Variants in SORBS2 observed in about 807,000 individuals in gnomAD.
The protein encoded by SORBS2 is sorbin and SH3 domain containing 2.
A neutral mutation model predicts 97.7 loss-of-function variants in SORBS2; 46 were observed. That is an observed-to-expected ratio of 0.47 (90% confidence interval 0.37 to 0.60). The LOEUF (loss-of-function observed/expected upper bound fraction) is 0.60, where lower values mean the gene tolerates loss of function less well. Ranked by LOEUF, SORBS2 falls within the 20% of genes least tolerant of loss-of-function variation. The pLI, the probability that SORBS2 is intolerant of heterozygous loss-of-function variation, is 0.00. For synonymous variants in SORBS2, 476 were observed against 473.4 expected, an observed-to-expected ratio of 1.01 and a Z score of -0.07; for missense variants, 1,316 against 1,282.3, an observed-to-expected ratio of 1.03 and a Z score of -0.40.
intron 1 of SORBS2, among the ~76,000 whole-genome samples, chr4:185,872,735 A>T (rs1451869462): frequency 1.3e-5 from 2 of 152,178 alleles, no homozygotes; most frequent in East Asian, 3.9e-4. Context: ...AGAAAGAGGG[A>T]GGGAGGATCT....
chr4:185,677,692 A>G, intron 4 of SORBS2: 1 of 1,394,288 alleles, frequency 7.2e-7, no homozygotes. Flanking sequence ...AAAAACAGAG[A>G]AAGTCCAAGT....
chr4:185,867,476 T>C (rs903754542), intron 1 of SORBS2, among the ~76,000 whole-genome samples: 1 of 152,220 alleles, frequency 6.6e-6, no homozygotes, highest in African/African-American at 2.4e-5. Flanking sequence ...CTTCCTGTCA[T>C]GTCTGCAAGA....
intron 2 of SORBS2, among the ~76,000 whole-genome samples, chr4:185,718,624 G>A (rs1489200778): frequency 6.6e-6 from 1 of 152,184 alleles, no homozygotes; most frequent in Non-Finnish European, 1.5e-5. Context: ...AGCATATCCT[G>A]TGCACAAGGA....
intron 4 of SORBS2, chr4:185,677,307 C>T (rs924538862): frequency 1.2e-5 from 19 of 1,552,086 alleles, no homozygotes; most frequent in East Asian, 1.2e-4. Context: ...AGAAATCCTC[C>T]GAGTTTGAGA....
chr4:185,706,606 G>C (rs948316557), intron 2 of SORBS2, among the ~76,000 whole-genome samples: 1 of 152,146 alleles, frequency 6.6e-6, no homozygotes, highest in South Asian at 2.1e-4. Context: ...GTAAGGACCT[G>C]TGTCTATCCA....
intron 1 of SORBS2, among the ~76,000 whole-genome samples, chr4:185,919,634 AGTCAAACCC>A (rs1371128473): frequency 2.6e-5 from 4 of 152,226 alleles, no homozygotes; most frequent in South Asian, 2.1e-4. Flanking sequence ...AAATGAGAAA[AGTCAAACCC>A]GCATCAGAAA....
chr4:185,635,319 G>A (rs2096977254), intron 4 of SORBS2, 36 bp downstream of exon 16: 2 of 1,444,358 alleles, frequency 1.4e-6, no homozygotes, highest in African/African-American at 1.4e-5. Context: ...GCCTCTAAGG[G>A]AGATATCTGA....
chr4:185,944,981 C>A (rs764703808), intron 1 of SORBS2, among the ~76,000 whole-genome samples: 4 of 152,154 alleles, frequency 2.6e-5, no homozygotes, highest in Non-Finnish European at 2.9e-5. Context: ...TAATATCAAG[C>A]CTTTAAAGGG....
chr4:185,907,880 C>T (rs1448011898), intron 1 of SORBS2, among the ~76,000 whole-genome samples: 1 of 152,096 alleles, frequency 6.6e-6, no homozygotes, highest in East Asian at 1.9e-4. Context: ...TATGCTTTGT[C>T]TTGGTAAACA....
At chr4:185,621,362 T>C (rs1240168827) in intron 7 of SORBS2, among the ~76,000 whole-genome samples, 1 of 152,162 alleles carries the variant, frequency 6.6e-6, no homozygotes, top group Admixed American at 6.5e-5. Context: ...AATTGGAAAG[T>C]AAATATTTTA....
At chr4:185,919,954 T>C (rs2099260204) in intron 1 of SORBS2, among the ~76,000 whole-genome samples, 1 of 152,232 alleles carries the variant, frequency 6.6e-6, no homozygotes, top group Non-Finnish European at 1.5e-5. Flanking sequence ...TACAAAACAA[T>C]TAGTTGTTAG....
chr4:185,611,703 A>G lies in SORBS2; in HGVS notation c.2796+77T>C, dbSNP rs1427921488. The G allele has an allele frequency of 7.9e-6, 9 of 1,137,124 alleles. No homozygotes were observed. In the East Asian group the frequency reaches 2.1e-4, roughly 27 times the overall value. 70.4% of individuals were successfully genotyped at this position (1,137,124 alleles called of 1,614,324 possible). On this transcript the variant is annotated intron_variant, in intron 12 of 14. Transcript: ENST00000418609. Reference sequence around the variant, plus strand: ...TGCAATAGATATGATATTCTAATCTAATATCCTAAAGTCACACACCGATTA... The same window carrying G: ...TGCAATAGATATGATATTCTAATCTGATATCCTAAAGTCACACACCGATTA...
intron 4 of SORBS2, among the ~76,000 whole-genome samples, chr4:185,637,759 A>G (rs527368572): frequency 5.3e-5 from 8 of 152,198 alleles, no homozygotes; most frequent in African/African-American, 1.9e-4. Flanking sequence ...AATAGACTGT[A>G]AACAAATACA....
At chr4:185,599,781 C>T (rs1353800296) in intron 12 of SORBS2, among the ~76,000 whole-genome samples, 2 of 152,192 alleles carry the variant, frequency 1.3e-5, no homozygotes, top group African/African-American at 4.8e-5. Flanking sequence ...AAACCTCACA[C>T]ACACCTAAAA....
rs1554165245 is a variant in SORBS2 at position 185,684,009 on chromosome 4, G to GCCAGCCAACCAA, written c.-197-5188_-197-5187insTTGGTTGGCTGG. ...TCCCCAAACTGCAGCTAACCAACCAGCCAACCAACCAACCAACCCACCAAC... is the reference window on the plus strand; with the variant it reads ...TCCCCAAACTGCAGCTAACCAACCAGCCAGCCAACCAACCAACCAACCAACCAACCCACCAAC... On this transcript the variant is annotated intron_variant, in intron 2 of 20. Transcript: ENST00000284776. This position sits in a 1 kb window ranked among gnomAD's most constrained non-coding sequence, Gnocchi z 4.2. Among the ~76,000 whole-genome samples the GCCAGCCAACCAA allele has an allele frequency of 3.6e-5, 4 of 109,676 alleles. No homozygotes were observed. The highest frequency in any genetic ancestry group is 7.3e-5 in the Non-Finnish European group (4 of 54,512). The allele number at this position is 109,676 out of a possible 152,430, so 72.0% of individuals were successfully genotyped here. A position where few individuals can be genotyped will look rare whatever the true frequency, so the allele number is the denominator to read the frequency against.
intron 2 of SORBS2, among the ~76,000 whole-genome samples, chr4:185,687,764 C>A (rs1434710158): frequency 1.3e-5 from 2 of 152,138 alleles, no homozygotes; most frequent in East Asian, 3.9e-4. Flanking sequence ...TAATAAAGGG[C>A]TGAATTCTAA....
intron 2 of SORBS2, among the ~76,000 whole-genome samples, chr4:185,732,398 T>C (rs1031001162): frequency 2.6e-5 from 4 of 152,202 alleles, no homozygotes; most frequent in Admixed American, 2.6e-4. Flanking sequence ...CAGGCTTATG[T>C]GGATATTCAT....
intron 1 of SORBS2, among the ~76,000 whole-genome samples, chr4:185,854,139 G>A (rs1344896390): frequency 2.0e-5 from 3 of 152,216 alleles, no homozygotes; most frequent in Non-Finnish European, 4.4e-5. Flanking sequence ...AGAGGAAGCA[G>A]CACCTGAGCT....
chr4:185,615,239 T>A (rs2096609993), intron 9 of SORBS2, 80 bp from the exon 22 acceptor site: 1 of 847,134 alleles, frequency 1.2e-6, no homozygotes, highest in African/African-American at 1.7e-5. Context: ...TAGATCTGCA[T>A]TTGTTTGGCA....
Sources: allele counts gnomAD v4.1 joint callset (sites outside exome capture counted in the v4.1 genomes callset), GRCh38; gene constraint gnomAD v4.1.1; non-coding constraint Gnocchi (gnomAD v3.1); transcripts MANE v1.5; gene names NCBI Gene and HGNC (gene_info 2026-07-23, HGNC 2026-07-21).